The following CHRDL1 variants were observed in gnomAD, a reference collection of about 807,000 sequenced individuals.
The protein encoded by CHRDL1 is chordin like 1, also known as chordin-like protein 1.
A neutral mutation model predicts 40.9 loss-of-function variants in CHRDL1; 19 were observed. The observed-to-expected ratio is 0.46, with a 90% CI of 0.32 to 0.68. The LOEUF is 0.68. CHRDL1 is among the 30% of genes least tolerant of loss of function. The probability of loss-of-function intolerance (pLI) is 0.03; values close to 1 mark genes in which losing one functional copy is unlikely to be tolerated. For missense variants in CHRDL1, 329 were observed against 352.1 expected (o/e 0.93, Z 0.53); for synonymous variants, 136 against 123.4 (o/e 1.10, Z -0.68).
At chrX:110,732,001 CA>C (rs748997133) in intron 4 of CHRDL1, among the ~76,000 whole-genome samples, 255 of 92,133 alleles carry the variant, frequency 2.8e-3, no homozygotes, top group South Asian at 5.9e-3. Flanking sequence ...AAAGCGTTAC[CA>C]AAAAAAAAAA....
chrX:110,725,203 CCAAGTGAGGGATGATCT>C (rs1484080970), intron 4 of CHRDL1, among the ~76,000 whole-genome samples: 1 of 111,563 alleles, frequency 9.0e-6, no homozygotes, highest in African/African-American at 3.3e-5. Flanking sequence ...TTTCTTCTCC[CCAAGTGAGGGATGATCT>C]CATATGTAAG....
intron 4 of CHRDL1, among the ~76,000 whole-genome samples, chrX:110,735,010 A>G (rs1176069455): frequency 9.3e-6 from 1 of 107,975 alleles, no homozygotes; most frequent in African/African-American, 3.7e-5. Context: ...GGTTAGTTCT[A>G]ATCCTTTGAG....
At chrX:110,759,872 G>T (rs989739364) in intron 3 of CHRDL1, 118 bp from the exon 4 acceptor site, 1 of 511,628 alleles carries the variant, frequency 2.0e-6, no homozygotes, top group Non-Finnish European at 3.5e-6. Flanking sequence ...GCATTCCCAA[G>T]AAGCTGAATG....
At chrX:110,725,180 G>C (rs971321611) in intron 4 of CHRDL1, among the ~76,000 whole-genome samples, 4 of 111,842 alleles carry the variant, frequency 3.6e-5, no homozygotes, top group African/African-American at 1.3e-4. Context: ...CAGATGTGTT[G>C]GGAAAGAGGA....
At chrX:110,684,482 T>C (rs1044948949) in intron 9 of CHRDL1, among the ~76,000 whole-genome samples, 2 of 111,868 alleles carry the variant, frequency 1.8e-5, no homozygotes, top group Non-Finnish European at 3.8e-5. Flanking sequence ...CAAATATCTT[T>C]AGAGAAGCCT....
intron 2 of CHRDL1, among the ~76,000 whole-genome samples, chrX:110,773,489 G>A (rs1329074378): frequency 9.0e-6 from 1 of 110,955 alleles, no homozygotes; most frequent in Non-Finnish European, 1.9e-5. Flanking sequence ...AGCACTTTGG[G>A]AGGCCGAGGC....
At chrX:110,732,842 G>A (rs2071192192) in intron 4 of CHRDL1, among the ~76,000 whole-genome samples, 1 of 111,805 alleles carries the variant, frequency 8.9e-6, no homozygotes, top group Non-Finnish European at 1.9e-5. Flanking sequence ...CTGTGTGATG[G>A]AACTGCTATC....
chrX:110,709,522 TCA>T (rs1426430115), intron 6 of CHRDL1, among the ~76,000 whole-genome samples: 4 of 112,638 alleles, frequency 3.6e-5, no homozygotes, highest in African/African-American at 1.3e-4. Context: ...TTTCTTCGGC[TCA>T]CACCTTCTAA....
intron 2 of CHRDL1, among the ~76,000 whole-genome samples, chrX:110,786,245 A>T (rs1365768384): frequency 2.7e-5 from 3 of 112,433 alleles, no homozygotes; most frequent in Non-Finnish European, 5.6e-5. Flanking sequence ...CAAATGTTAA[A>T]AACATCTATT....
intron 4 of CHRDL1, among the ~76,000 whole-genome samples, chrX:110,739,918 G>A (rs2148485948): frequency 8.9e-6 from 1 of 112,646 alleles, no homozygotes; most frequent in South Asian, 3.7e-4. Flanking sequence ...AAACTAAAGT[G>A]AAATCAAAAC....
intron 7 of CHRDL1, among the ~76,000 whole-genome samples, chrX:110,698,890 A>C (rs1171346855): frequency 9.0e-6 from 1 of 111,321 alleles, no homozygotes; most frequent in Non-Finnish European, 1.9e-5. Context: ...CCACTAATTC[A>C]GCCACTCTCA....
intron 4 of CHRDL1, among the ~76,000 whole-genome samples, chrX:110,737,683 C>T (rs1237217053): frequency 8.9e-6 from 1 of 111,896 alleles, no homozygotes; most frequent in Non-Finnish European, 1.9e-5. Context: ...CATATTTGTT[C>T]CATATGGCCT....
chrX:110,754,971 A>G (rs924505489), intron 4 of CHRDL1, among the ~76,000 whole-genome samples: 4 of 109,961 alleles, frequency 3.6e-5, no homozygotes, highest in Non-Finnish European at 7.6e-5. Context: ...TAAAATATAT[A>G]TATTATGAAA....
At chrX:110,697,138 A>C (rs2148436353) in intron 7 of CHRDL1, among the ~76,000 whole-genome samples, 1 of 111,174 alleles carries the variant, frequency 9.0e-6, no homozygotes, top group East Asian at 2.8e-4. Context: ...TTTGCTCAGT[A>C]TTTTGGTATT....
At chrX:110,725,664 C>A (rs933810315) in intron 4 of CHRDL1, among the ~76,000 whole-genome samples, 1 of 111,880 alleles carries the variant, frequency 8.9e-6, no homozygotes, top group African/African-American at 3.2e-5. Context: ...CTTGGATAGT[C>A]AGAAAAGCAG....
At chrX:110,689,992 T>C (rs1475552389) in intron 8 of CHRDL1, among the ~76,000 whole-genome samples, 1 of 61,598 alleles carries the variant, frequency 1.6e-5, no homozygotes, top group East Asian at 3.1e-4. Flanking sequence ...TATCTATATA[T>C]ATCTATATAT....
intron 2 of CHRDL1, among the ~76,000 whole-genome samples, chrX:110,770,125 G>A (rs973384119): frequency 3.6e-5 from 4 of 112,150 alleles, no homozygotes; most frequent in Non-Finnish European, 7.5e-5. Flanking sequence ...GTGACATTGA[G>A]TAAGTCACTC....
intron 4 of CHRDL1, among the ~76,000 whole-genome samples, chrX:110,735,866 C>T (rs753494672): frequency 1.2e-4 from 14 of 112,382 alleles, no homozygotes; most frequent in Non-Finnish European, 2.4e-4. Context: ...ATAATGAGCT[C>T]GGGGACAGGA....
chrX:110,738,495 C>G (rs1459061770), intron 4 of CHRDL1, among the ~76,000 whole-genome samples: 1 of 111,198 alleles, frequency 9.0e-6, no homozygotes, highest in African/African-American at 3.3e-5. Flanking sequence ...GTAATCCCAG[C>G]ACTTTGGGAG....
Sources: gnomAD v4.1 joint callset for allele counts (sites outside exome capture counted in the v4.1 genomes callset) on GRCh38, gnomAD v4.1.1 for gene constraint, MANE v1.5 for transcripts, NCBI Gene and HGNC (gene_info 2026-07-23, HGNC 2026-07-21) for gene names.